The following DHDDS variants were observed in gnomAD, a reference collection of about 807,000 sequenced individuals.
DHDDS encodes dehydrodolichyl diphosphate synthase complex subunit DHDDS.
In DHDDS, 16 loss-of-function variants were observed where a neutral mutation model predicts 46.2. That is an observed-to-expected ratio of 0.35 (90% CI 0.23 to 0.53). The LOEUF is 0.53. Among genes scored for constraint, DHDDS ranks in the 20% least tolerant of loss-of-function variants. The pLI is 0.94. For synonymous variants in DHDDS, 151 were observed against 163.1 expected (o/e 0.93, Z 0.56); for missense variants, 340 against 423.7 (o/e 0.80, Z 1.73).
intron 6 of DHDDS, among the ~76,000 whole-genome samples, chr1:26,450,337 G>C (rs1306125479): frequency 6.6e-6 from 1 of 152,130 alleles, no homozygotes; most frequent in African/African-American, 2.4e-5. Context: ...TGTAAAAACA[G>C]GGTCTGACTT....
chr1:26,452,771 T>C (rs1482649728), intron 6 of DHDDS, among the ~76,000 whole-genome samples: 1 of 152,046 alleles, frequency 6.6e-6, no homozygotes, highest in African/African-American at 2.4e-5. Flanking sequence ...GACTTCCTCA[T>C]AGCAAAGCTG....
rs758618507 is a variant in DHDDS at position 26,469,108 on chromosome 1, C to A, written c.979C>A (p.Arg327Ser). 3 of 1,612,406 alleles carry A rather than the reference C, an allele frequency of 1.9e-6. No individual in the cohort carries two copies. Among genetic ancestry groups the A allele is most frequent in the Non-Finnish European group, 2.5e-6 (3 of 1,180,046 alleles). ...ACTCAAGCGAGCTGACTGGCTGGCC[C>A]GTCTGGGCACTGCATCAGCCTGAAT... ...LELKRADWLA[R>S]LGTASA Residue 327 changes from arginine (R) to serine (S), a missense_variant, in exon 9 of 9, where the codon CGT becomes AGT. Coordinates refer to ENST00000236342, the MANE Select transcript of DHDDS (RefSeq NM_205861.3).
At chr1:26,433,538 A>G (rs910643434) in intron 2 of DHDDS, among the ~76,000 whole-genome samples, 7 of 151,908 alleles carry the variant, frequency 4.6e-5, no homozygotes, top group African/African-American at 1.7e-4. Context: ...AGTCCCAGCT[A>G]CTCGGAAGGC....
intron 3 of DHDDS, among the ~76,000 whole-genome samples, chr1:26,439,988 AAGTT>A (rs1419937871): frequency 6.8e-6 from 1 of 147,306 alleles, no homozygotes; most frequent in African/African-American, 2.7e-5. Context: ...AAAATACAAA[AAGTT>A]AGCCGGGCGT....
At chr1:26,439,733 G>A (rs555017835) in intron 3 of DHDDS, among the ~76,000 whole-genome samples, 1 of 152,288 alleles carries the variant, frequency 6.6e-6, no homozygotes, top group Admixed American at 6.5e-5. Flanking sequence ...CGGCAAACCA[G>A]GACATCACTC....
intron 3 of DHDDS, among the ~76,000 whole-genome samples, chr1:26,440,037 G>A (rs1020957652): frequency 6.6e-6 from 1 of 152,210 alleles, no homozygotes; most frequent in Non-Finnish European, 1.5e-5. Flanking sequence ...CTACTCGGGA[G>A]GCTGAGGCAG....
intron 6 of DHDDS, among the ~76,000 whole-genome samples, chr1:26,451,226 A>G (rs1017416025): frequency 6.6e-6 from 1 of 152,166 alleles, no homozygotes; most frequent in Admixed American, 6.5e-5. Context: ...AGACTGGGCT[A>G]ATCAGGGCCT....
Position 26,455,164 on chromosome 1 carries a change from C to T in DHDDS, c.543-2627C>T, listed in dbSNP as rs982274379. 8 of 767,576 alleles carry T rather than the reference C, an allele frequency of 1.0e-5. 1 individual carries two copies. Among genetic ancestry groups the T allele is most frequent in the Non-Finnish European group, 1.7e-5 (7 of 413,994 alleles). The allele number at this position is 767,576 out of a possible 1,614,324, so 47.5% of individuals were successfully genotyped here. ...ATTTGCATGATATCATGAGGTTCTC[C>T]GGGTTAAGTGAATAGTGAACCATTT... is the stretch of plus-strand genomic sequence containing the variant. On this transcript the variant is annotated intron_variant, in intron 6 of 8. Coordinates refer to ENST00000236342, the MANE Select transcript of DHDDS (RefSeq NM_205861.3).
chr1:26,437,952 ACCTGGGTGACTAAGTGAGAT>A (rs1021133850), intron 2 of DHDDS, among the ~76,000 whole-genome samples, 196 bp from the exon 3 acceptor site: 15 of 152,068 alleles, frequency 9.9e-5, no homozygotes, highest in Non-Finnish European at 1.8e-4. Context: ...TTGCATTCCC[ACCTGGGTGACTAAGTGAGAT>A]CCTGCCTCAA....
Position 26,469,563 on chromosome 1 carries a change from C to T in DHDDS, c.*432C>T. The T allele has an allele frequency of 4.0e-6, 1 of 250,892 alleles. No homozygotes were observed. Among genetic ancestry groups the T allele is most frequent in the South Asian group, 5.0e-5 (1 of 20,092 alleles). The allele number at this position is 250,892 out of a possible 1,614,324, so 15.5% of individuals were successfully genotyped here. ...CAAAAGATTTGGCTCTACCTTGGAT[C>T]TGCTAGTAAATAACTAATAGGCAGG... is the stretch of plus-strand genomic sequence containing the variant. On this transcript the variant is annotated 3_prime_UTR_variant, in exon 9 of 9. Coordinates refer to ENST00000236342, the MANE Select transcript of DHDDS (RefSeq NM_205861.3).
At chr1:26,460,482 AG>A in intron 8 of DHDDS, among the ~76,000 whole-genome samples, 1 of 152,350 alleles carries the variant, frequency 6.6e-6, no homozygotes, top group East Asian at 1.9e-4. Flanking sequence ...AAGACTCAGG[AG>A]GAAAAGGCTT....
At position 26,438,230 on chromosome 1, in the gene DHDDS, G is replaced by A. The variant is rs1044233189; in HGVS notation, c.126G>A (p.Lys42=). 6.2e-7 allele frequency: 1 copy of A among 1,614,136 alleles called. No individual in the cohort carries two copies. Among genetic ancestry groups the A allele is most frequent in the Admixed American group, 1.7e-5 (1 of 60,030 alleles). Residue 42 remains lysine (K), a synonymous_variant, in exon 3 of 9, where the codon AAG becomes AAA. Coordinates refer to ENST00000236342, the MANE Select transcript of DHDDS (RefSeq NM_205861.3). ...ACGGGAACCGTCGCTATGCCAAGAA[G>A]TGCCAGGTGGAGCGGCAGGAAGGCC... ...IMDGNRRYAK[K]CQVERQEGHS... is the part of the protein sequence containing the mutation.
chr1:26,469,136 G>A lies in DHDDS; in HGVS notation c.*5G>A. ...CTGGGCACTGCATCAGCCTGAATGA[G>A]GCTGGCCACCTGCCACTTTGCCCTG... On this transcript the variant is annotated 3_prime_UTR_variant, in exon 9 of 9. Coordinates refer to ENST00000236342, the MANE Select transcript of DHDDS (RefSeq NM_205861.3). 1.2e-6 allele frequency: 2 copies of A among 1,611,376 alleles called. No homozygotes were observed. Among genetic ancestry groups the A allele is most frequent in the Non-Finnish European group, 1.7e-6 (2 of 1,180,024 alleles).
At chr1:26,457,577 A>G (rs976055478) in intron 6 of DHDDS, among the ~76,000 whole-genome samples, 7 of 151,970 alleles carry the variant, frequency 4.6e-5, no homozygotes, top group African/African-American at 1.7e-4. Context: ...AAAAAAAAAA[A>G]AAAAAAGAAA....
In DHDDS at chr1:26,469,338, C is replaced by G; in HGVS notation, c.*207C>G. 1 of 893,782 alleles carries G rather than the reference C, an allele frequency of 1.1e-6. No homozygotes were observed. Among genetic ancestry groups the G allele is most frequent in the Non-Finnish European group, 1.7e-6 (1 of 584,504 alleles). 55.4% of individuals were successfully genotyped at this position (893,782 alleles called of 1,614,324 possible). On this transcript the variant is annotated 3_prime_UTR_variant, in exon 9 of 9. Coordinates refer to ENST00000236342, the MANE Select transcript of DHDDS (RefSeq NM_205861.3). ...CCTGAGGAGGATTGAGGGTGAAAGT[C>G]TCCCACGAGTACACTAAACCTAGGT...
intron 8 of DHDDS, among the ~76,000 whole-genome samples, chr1:26,465,071 G>A (rs2075468694): frequency 1.3e-5 from 2 of 152,174 alleles, no homozygotes; most frequent in Admixed American, 1.3e-4. Flanking sequence ...GGGACAAATA[G>A]AGAATCAGGC....
chr1:26,443,099 C>A (rs2124406669), intron 4 of DHDDS: 1 of 709,034 alleles, frequency 1.4e-6, no homozygotes, highest in Non-Finnish European at 2.1e-6. Context: ...TGAGGGGTGT[C>A]ACATGATTTA....
chr1:26,462,631 C>T (rs975366485), intron 8 of DHDDS: 3 of 152,150 alleles, frequency 2.0e-5, no homozygotes, highest in African/African-American at 7.2e-5. Flanking sequence ...CTGCATGAAG[C>T]CCAAAGGAGC....
At chr1:26,445,221 A>G (rs544122031) in intron 4 of DHDDS, among the ~76,000 whole-genome samples, 1 of 152,218 alleles carries the variant, frequency 6.6e-6, no homozygotes, top group Non-Finnish European at 1.5e-5. Context: ...ACTTAGACCA[A>G]TATCTGGCAT....
Sources: allele counts gnomAD v4.1 joint callset (sites outside exome capture counted in the v4.1 genomes callset), GRCh38; gene constraint gnomAD v4.1.1; transcripts MANE v1.5; gene names NCBI Gene and HGNC (gene_info 2026-07-23, HGNC 2026-07-21).